RBM20: variants seen among roughly 807,000 people sequenced by gnomAD.
RBM20 encodes the protein RNA binding motif protein 20.
In RBM20, 51 loss-of-function variants were observed where a neutral mutation model predicts 110.1. The ratio of observed to expected loss-of-function variants is 0.46; its 90% CI spans 0.37 to 0.59. The LOEUF (loss-of-function observed/expected upper bound fraction) is 0.59. RBM20 is among the 20% of genes least tolerant of loss of function. RBM20 has a pLI of 0.00. For synonymous variants in RBM20, 589 were observed against 618.2 expected, an observed-to-expected ratio of 0.95 and a Z score of 0.70; for missense variants, 1,512 against 1,574.9, an observed-to-expected ratio of 0.96 and a Z score of 0.68.
chr10:110,701,078 G>A (rs993001962), intron 1 of RBM20, among the ~76,000 whole-genome samples: 1 of 152,072 alleles, frequency 6.6e-6, no homozygotes, highest in African/African-American at 2.4e-5. Context: ...TTATCTGGGA[G>A]GGGAAATTTT....
intron 1 of RBM20, among the ~76,000 whole-genome samples, chr10:110,690,607 AT>A (rs1208366151): frequency 6.6e-6 from 1 of 152,140 alleles, no homozygotes; most frequent in African/African-American, 2.4e-5. Context: ...GAATTTGCCT[AT>A]TTTAGGTATC....
chr10:110,762,733 A>C lies in RBM20; in HGVS notation c.192-18068A>C, dbSNP rs1411712122. Among the ~76,000 whole-genome samples the C allele has an allele frequency of 2.6e-5, 4 of 152,294 alleles. No homozygotes were observed. The East Asian group carries it at 7.7e-4, about 29-fold the overall frequency. The stretch of plus-strand genomic sequence containing the variant: ...AGGTTTCAGGTGTTTGTTTTTAACC[A>C]CTGCACATCACTGCTTCTCCCACAA... On this transcript the variant is annotated intron_variant, in intron 1 of 13. Coordinates refer to ENST00000369519, the MANE Select transcript of RBM20 (RefSeq NM_001134363.3).
intron 1 of RBM20, among the ~76,000 whole-genome samples, chr10:110,717,093 A>C (rs1306604454): frequency 2.0e-5 from 3 of 152,018 alleles, no homozygotes; most frequent in Non-Finnish European, 4.4e-5. Flanking sequence ...GTTTCTTGTG[A>C]CAGGCCCCAG....
intron 1 of RBM20, among the ~76,000 whole-genome samples, chr10:110,701,890 G>T (rs1862763120): frequency 6.6e-6 from 1 of 152,248 alleles, no homozygotes; most frequent in East Asian, 1.9e-4. Flanking sequence ...ATAAGGCAGA[G>T]AGCTAACGGG....
At chr10:110,713,302 G>T (rs1440686662) in intron 1 of RBM20, among the ~76,000 whole-genome samples, 1 of 152,208 alleles carries the variant, frequency 6.6e-6, no homozygotes, top group Non-Finnish European at 1.5e-5. Flanking sequence ...AGAGTAACGT[G>T]CACTAGGCTT....
chr10:110,814,723 T>C (rs1187900629), intron 9 of RBM20, among the ~76,000 whole-genome samples: 2 of 152,216 alleles, frequency 1.3e-5, no homozygotes, highest in African/African-American at 4.8e-5. Flanking sequence ...CTCGAACTGC[T>C]GACCTCGTGA....
chr10:110,713,129 A>G (rs1448904158), intron 1 of RBM20, among the ~76,000 whole-genome samples: 1 of 152,198 alleles, frequency 6.6e-6, no homozygotes, highest in Non-Finnish European at 1.5e-5. Context: ...CACAGAAGAT[A>G]AGTCATTGAC....
At chr10:110,688,824 A>G (rs1862542702) in intron 1 of RBM20, among the ~76,000 whole-genome samples, 1 of 152,048 alleles carries the variant, frequency 6.6e-6, no homozygotes, top group Admixed American at 6.6e-5. Context: ...TTTTCCCACC[A>G]ATGTCCTTTT....
At chr10:110,800,559 T>A (rs1844609295) in intron 7 of RBM20, among the ~76,000 whole-genome samples, 1 of 152,158 alleles carries the variant, frequency 6.6e-6, no homozygotes, top group Non-Finnish European at 1.5e-5. Flanking sequence ...TAATAATGGG[T>A]GAGATCTCAC....
intron 1 of RBM20, among the ~76,000 whole-genome samples, chr10:110,699,546 A>G (rs1862724889): frequency 6.6e-6 from 1 of 151,788 alleles, no homozygotes; most frequent in African/African-American, 2.4e-5. Context: ...TGCTGAGATT[A>G]CAGGTGTGAG....
rs115136004 is a variant in RBM20 at position 110,810,865 on chromosome 10, G to A, written c.1880+403G>A. On this transcript the variant is annotated intron_variant, in intron 8 of 13. Transcript: ENST00000369519. ...TGTGTGCGTGTGTGTGTGTGTGTAC[G>A]TGTGGCTTCGTTTAGAACCAGCTCT... 6.4e-3 allele frequency among the ~76,000 whole-genome samples: 948 copies of A among 148,724 alleles called. 9 individuals are homozygous for A. Among genetic ancestry groups the A allele is most frequent in the African/African-American group, 0.022 (885 of 40,612 alleles).
chr10:110,672,022 G>A (rs79660476), intron 1 of RBM20, among the ~76,000 whole-genome samples: 9,605 of 151,880 alleles, frequency 0.063, 970 homozygotes, highest in African/African-American at 0.22. Flanking sequence ...ACCCCAGAGG[G>A]ACAAACTTAG....
chr10:110,707,433 A>G (rs1044870705), intron 1 of RBM20, among the ~76,000 whole-genome samples: 3 of 152,252 alleles, frequency 2.0e-5, no homozygotes, highest in African/African-American at 7.2e-5. Context: ...TACACTTTAA[A>G]AAAATGTTTT....
At position 110,669,114 on chromosome 10, in the gene RBM20, G is replaced by A. The variant is rs146448740; in HGVS notation, c.191+24469G>A. Among the ~76,000 whole-genome samples, 659 of 152,180 alleles carry A rather than the reference G, an allele frequency of 4.3e-3. 4 individuals are homozygous for A. Among genetic ancestry groups the A allele is most frequent in the African/African-American group, 0.015 (605 of 41,536 alleles). On this transcript the variant is annotated intron_variant, in intron 1 of 13. Transcript: ENST00000369519. ...TTTAAGCAGAGGAAAATCTTCCTTC[G>A]TTTTTTCTGGAATAGCAGCAAAGCC...
In RBM20 at chr10:110,644,939, T is replaced by G. The variant is rs1861847721; in HGVS notation, c.191+294T>G. ...TAAAATAGCTCAGATTGGGGGGAAA[T>G]GGCCCAGCGACTGTATTTCATCTTT... is the stretch of plus-strand genomic sequence containing the variant. On this transcript the variant is annotated intron_variant, in intron 1 of 13. Coordinates refer to ENST00000369519, the MANE Select transcript of RBM20 (RefSeq NM_001134363.3). This position sits in a 1 kb window ranked among gnomAD's most constrained non-coding sequence, Gnocchi z 4.3. Among the ~76,000 whole-genome samples the G allele has an allele frequency of 6.6e-6, 1 of 152,064 alleles. No individual in the cohort carries two copies. The highest frequency in any genetic ancestry group is 1.5e-5 in the Non-Finnish European group (1 of 68,010).
intron 5 of RBM20, among the ~76,000 whole-genome samples, chr10:110,790,724 A>G (rs1844473127): frequency 6.6e-6 from 1 of 152,220 alleles, no homozygotes; most frequent in South Asian, 2.1e-4. Flanking sequence ...ACATCTTTCC[A>G]CATCAGAACG....
chr10:110,784,201 A>G lies in RBM20; in HGVS notation c.1338-140A>G, dbSNP rs1413083702. 6.5e-6 allele frequency: 4 copies of G among 619,570 alleles called. No homozygotes were observed. In the Admixed American group the frequency reaches 9.8e-5, roughly 15 times the overall value. The allele number at this position is 619,570 out of a possible 1,614,324, so 38.4% of individuals were successfully genotyped here. ...GACTATTGTGAATAGGGCTGCTAGG[A>G]AGGTTTGGGGACAGTTTTTGTTTGA... On this transcript the variant is annotated intron_variant, in intron 3 of 13. Transcript: ENST00000369519.
chr10:110,653,908 T>A (rs180728712), intron 1 of RBM20, among the ~76,000 whole-genome samples: 1 of 152,222 alleles, frequency 6.6e-6, no homozygotes, highest in Admixed American at 6.5e-5. Context: ...TTTCCAATAC[T>A]GAAGATTACA....
chr10:110,733,395 A>T (rs1402976372), intron 1 of RBM20, among the ~76,000 whole-genome samples: 1 of 152,212 alleles, frequency 6.6e-6, no homozygotes, highest in African/African-American at 2.4e-5. Context: ...AGCCGGGTGT[A>T]TGGCTGGGAG....
Sources: allele counts gnomAD v4.1 joint callset (sites outside exome capture counted in the v4.1 genomes callset), GRCh38; gene constraint gnomAD v4.1.1; non-coding constraint Gnocchi (gnomAD v3.1); transcripts MANE v1.5; gene names NCBI Gene and HGNC (gene_info 2026-07-23, HGNC 2026-07-21).